The following CASK variants were observed in gnomAD, a reference collection of about 807,000 sequenced individuals.
The protein encoded by CASK is peripheral plasma membrane protein CASK.
In CASK, 4 loss-of-function variants were observed where a neutral mutation model predicts 82.9. The observed-to-expected ratio is 0.05, with a 90% CI of 0.02 to 0.11. CASK has a LOEUF of 0.11. Among genes scored for constraint, CASK ranks in the 10% least tolerant of loss-of-function variants. CASK has a pLI of 1.00. For synonymous variants in CASK, 259 were observed against 253.5 expected, an observed-to-expected ratio of 1.02 and a Z score of -0.20; for missense variants, 358 against 720.9, an observed-to-expected ratio of 0.50 and a Z score of 5.76.
intron 5 of CASK, among the ~76,000 whole-genome samples, chrX:41,704,008 T>C (rs530901204): frequency 5.4e-5 from 6 of 111,454 alleles, no homozygotes; most frequent in Middle Eastern, 4.6e-3. Flanking sequence ...CTTGGGTGAA[T>C]GGCCTATTCA....
intron 3 of CASK, among the ~76,000 whole-genome samples, chrX:41,753,667 T>C (rs413299): frequency 0.2 from 21,860 of 111,132 alleles, 1,679 homozygotes; most frequent in Middle Eastern, 0.31. Flanking sequence ...GAGAGGATCA[T>C]TTGAGGCCAG....
intron 1 of CASK, among the ~76,000 whole-genome samples, chrX:41,876,439 T>C (rs1195340): frequency 0.16 from 17,961 of 110,886 alleles, 1,430 homozygotes; most frequent in Middle Eastern, 0.29. Flanking sequence ...TCATATCTAT[T>C]ATCAGACATA....
At chrX:41,838,185 T>C (rs1305522094) in intron 2 of CASK, among the ~76,000 whole-genome samples, 1 of 111,822 alleles carries the variant, frequency 8.9e-6, no homozygotes, top group Non-Finnish European at 1.9e-5. Context: ...CTATTAAGTG[T>C]GGAGCGATAT....
At chrX:41,690,702 C>A (rs1337446086) in intron 5 of CASK, among the ~76,000 whole-genome samples, 1 of 102,961 alleles carries the variant, frequency 9.7e-6, no homozygotes, top group African/African-American at 3.6e-5. Context: ...GAGACAAGGT[C>A]TTACTCCGTC....
At chrX:41,806,529 C>A (rs923310322) in intron 2 of CASK, among the ~76,000 whole-genome samples, 1 of 111,995 alleles carries the variant, frequency 8.9e-6, no homozygotes, top group Non-Finnish European at 1.9e-5. Context: ...ATATGTTGTT[C>A]ATTTCTGTTT....
chrX:41,642,202 A>T (rs76170399), intron 8 of CASK, among the ~76,000 whole-genome samples: 10,377 of 111,020 alleles, frequency 0.093, 483 homozygotes, highest in Non-Finnish European at 0.14. Context: ...GCTGTAATAA[A>T]CAGACGTGTG....
intron 16 of CASK, among the ~76,000 whole-genome samples, chrX:41,564,028 C>T (rs142335258): frequency 3.9e-4 from 44 of 111,898 alleles, no homozygotes; most frequent in African/African-American, 1.4e-3. Flanking sequence ...AATGCACATA[C>T]TGAGATCTTA....
intron 19 of CASK, among the ~76,000 whole-genome samples, 160 bp downstream of exon 19, chrX:41,556,872 T>C (rs1437920748): frequency 1.8e-5 from 2 of 112,113 alleles, no homozygotes; most frequent in African/African-American, 6.5e-5. Context: ...GAAGGAAATG[T>C]TGAAAAAGAT....
intron 1 of CASK, among the ~76,000 whole-genome samples, chrX:41,859,622 G>C (rs906711594): frequency 2.7e-5 from 3 of 111,697 alleles, no homozygotes; most frequent in Non-Finnish European, 5.6e-5. Flanking sequence ...ACCAAGCATA[G>C]TGCTGAAGGG....
At chrX:41,545,020 T>C (rs765403950) in intron 21 of CASK, among the ~76,000 whole-genome samples, 2 of 102,133 alleles carry the variant, frequency 2.0e-5, no homozygotes, top group Admixed American at 2.1e-4. Flanking sequence ...AATGTACTAG[T>C]ACTGCTGTTT....
chrX:41,899,030 T>A (rs1208332568), intron 1 of CASK, among the ~76,000 whole-genome samples: 1 of 111,896 alleles, frequency 8.9e-6, no homozygotes, highest in Admixed American at 9.5e-5. Context: ...CTGCTAGTAT[T>A]ATTGTATTGC....
chrX:41,788,364 T>C (rs771131360), intron 2 of CASK, among the ~76,000 whole-genome samples: 12 of 111,037 alleles, frequency 1.1e-4, no homozygotes, highest in African/African-American at 3.9e-4. Flanking sequence ...CTACATGGAA[T>C]AGAATAATGA....
intron 1 of CASK, among the ~76,000 whole-genome samples, chrX:41,890,084 A>G (rs1488178266): frequency 1.8e-5 from 2 of 111,587 alleles, no homozygotes; most frequent in African/African-American, 6.5e-5. Flanking sequence ...GAGCCCAAGT[A>G]CCCTTCAAAT....
intron 9 of CASK, among the ~76,000 whole-genome samples, chrX:41,632,991 C>T (rs192645191): frequency 2.9e-5 from 3 of 101,695 alleles, no homozygotes; most frequent in African/African-American, 7.3e-5. Flanking sequence ...TGCAGTGAGC[C>T]GAGATTGCGC....
At chrX:41,888,551 G>A (rs1248246351) in intron 1 of CASK, among the ~76,000 whole-genome samples, 1 of 108,652 alleles carries the variant, frequency 9.2e-6, no homozygotes, top group African/African-American at 3.4e-5. Flanking sequence ...TAGAATAGCA[G>A]TCTCCAATTC....
At chrX:41,546,813 G>A (rs1468751014) in intron 21 of CASK, among the ~76,000 whole-genome samples, 1 of 112,099 alleles carries the variant, frequency 8.9e-6, no homozygotes, top group East Asian at 2.8e-4. Context: ...GGTATTTTAA[G>A]AAACACTTTG....
chrX:41,787,162 TA>T lies in CASK; in HGVS notation c.278+15del. 1 of 971,676 alleles carries T rather than the reference TA, an allele frequency of 1.0e-6. No homozygotes were observed. Among genetic ancestry groups the T allele is most frequent in the Non-Finnish European group, 1.5e-6 (1 of 676,115 alleles). 80.1% of individuals were successfully genotyped at this position (971,676 alleles called of 1,213,427 possible). ...GCTTCAAGTTTTACCCTTTAAGAATTAAAATACACACTCACAATTCGAAAAC... is the reference window on the plus strand; with the variant it reads ...GCTTCAAGTTTTACCCTTTAAGAATTAAATACACACTCACAATTCGAAAAC... On this transcript the variant is annotated intron_variant, in intron 3 of 26. Coordinates refer to ENST00000378163, the MANE Select transcript of CASK (RefSeq NM_001367721.1).
chrX:41,853,282 C>T, intron 1 of CASK, 55 bp from the exon 2 acceptor site: 1 of 719,185 alleles, frequency 1.4e-6, no homozygotes, highest in Non-Finnish European at 2.2e-6. Context: ...TCCTATTTCC[C>T]ATTAATGTCT....
At chrX:41,890,383 C>A (rs1475410443) in intron 1 of CASK, among the ~76,000 whole-genome samples, 1 of 110,063 alleles carries the variant, frequency 9.1e-6, no homozygotes. Context: ...CATTTTTGAT[C>A]TTTGCCTTTG....
Sources: gnomAD v4.1 joint callset for allele counts (sites outside exome capture counted in the v4.1 genomes callset) on GRCh38, gnomAD v4.1.1 for gene constraint, MANE v1.5 for transcripts, NCBI Gene and HGNC (gene_info 2026-07-23, HGNC 2026-07-21) for gene names.